Variants in THNSL2 observed in about 807,000 individuals in gnomAD.
THNSL2 encodes threonine synthase-like 2.
A neutral mutation model predicts 40.0 loss-of-function variants in THNSL2; 34 were observed. That is an observed-to-expected ratio of 0.85 (90% CI 0.65 to 1.13). The LOEUF (loss-of-function observed/expected upper bound fraction) is 1.13, where lower values mean the gene tolerates loss of function less well. Among genes scored for constraint, THNSL2 ranks in the 50% most tolerant of loss-of-function variants. The pLI is 0.00. For missense variants in THNSL2, 537 were observed against 608.8 expected (o/e 0.88, Z 1.24); for synonymous variants, 241 against 247.5 (o/e 0.97, Z 0.25).
rs1416953620 is a variant in THNSL2, at chr2:88,179,247, A to G, written c.802+234A>G. On this transcript the variant is annotated intron_variant, in intron 5 of 8. Transcript: ENST00000674334. ...TGATGGCTTAACCCCACATGCTCCC[A>G]CAGCCTGACCTGATGTGCTCGCTGG... Among the ~76,000 whole-genome samples the G allele has an allele frequency of 2.6e-5, 4 of 152,234 alleles. No homozygotes were observed. The East Asian group carries it at 5.8e-4, about 22-fold the overall frequency.
intron 1 of THNSL2, chr2:88,171,549 C>G (rs1676379982): frequency 1.3e-5 from 4 of 305,016 alleles, no homozygotes; most frequent in South Asian, 1.0e-4. Flanking sequence ...GCGTTTAAGT[C>G]TGGTCCTATG....
At position 88,184,198 on chromosome 2, in the gene THNSL2, T is replaced by A. The variant is rs147521152; in HGVS notation, c.1077+1125T>A. Reference sequence around the variant, plus strand: ...TCTTTTGATGCACCCAAAGATCAATTTATTTGGTTAATGGTGTGTTTTGAC... The same window carrying A: ...TCTTTTGATGCACCCAAAGATCAATATATTTGGTTAATGGTGTGTTTTGAC... On this transcript the variant is annotated intron_variant, in intron 7 of 8. Coordinates refer to ENST00000674334, the MANE Select transcript of THNSL2 (RefSeq NM_018271.5). Among the ~76,000 whole-genome samples the A allele has an allele frequency of 5.8e-3, 887 of 152,250 alleles. 2 individuals are homozygous for A. The highest frequency in any genetic ancestry group is 0.01 in the Non-Finnish European group (700 of 68,016).
intron 1 of THNSL2, chr2:88,172,480 G>A (rs1676470993): frequency 6.6e-6 from 1 of 152,242 alleles, no homozygotes; most frequent in Admixed American, 6.5e-5. Flanking sequence ...GGGACTTGCA[G>A]TTTTAAGACC....
In THNSL2 at chr2:88,178,909, C is replaced by T; in HGVS notation, c.698C>T (p.Ala233Val). The change falls in exon 5 of 9, where the codon GCC becomes GTC. Residue 233 changes from alanine (A) to valine (V), a missense_variant. Physicochemically the swap from Ala to Val is moderately conservative, Grantham distance 64. Transcript: ENST00000674334. ...TGGTCCCGGGTCCTGGTGCAGATGGCCCATCACTTCTTTGCTTACTTCCAG... is the reference window on the plus strand; with the variant it reads ...TGGTCCCGGGTCCTGGTGCAGATGGTCCATCACTTCTTTGCTTACTTCCAG... ...INWSRVLVQM[A>V]HHFFAYFQCT... 6.2e-7 allele frequency: 1 copy of T among 1,614,198 alleles called. No individual in the cohort carries two copies. The highest frequency in any genetic ancestry group is 1.1e-5 in the South Asian group (1 of 91,080).
intron 5 of THNSL2, among the ~76,000 whole-genome samples, chr2:88,181,868 G>A (rs1419084605): frequency 6.6e-6 from 1 of 152,092 alleles, no homozygotes; most frequent in Admixed American, 6.6e-5. Context: ...TCTATAAAAG[G>A]AATCATACAG....
chr2:88,173,364 G>T lies in THNSL2; in HGVS notation c.214G>T (p.Glu72Ter). 1 of 1,601,738 alleles carries T rather than the reference G, an allele frequency of 6.2e-7. No individual in the cohort carries two copies. ...FIGSELLPKD[E>*]LNDLIDRAFS... ...TGGCTCTGAGCTCCTTCCAAAAGAT[G>T]AATTAAATGGTGAGTGCTCCCACCT... Residue 72 changes from glutamate to a stop codon, truncating the protein, a stop_gained, in exon 2 of 9, where the codon GAA (glutamate) becomes TAA (stop). Coordinates refer to ENST00000674334, the MANE Select transcript of THNSL2 (RefSeq NM_018271.5). LOFTEE classifies it high-confidence loss of function.
In THNSL2 at chr2:88,173,339, TG is replaced by T. The variant is rs747458725; in HGVS notation, c.191del (p.Gly64AlafsTer10). On this transcript the variant is annotated frameshift_variant, in exon 2 of 9. Transcript: ENST00000674334. LOFTEE classifies it high-confidence loss of function. ...TGAAGGAGCTGTGTGCCCTCTTCAT[TG>T]GCTCTGAGCTCCTTCCAAAAGATGA... ...LVKELCALFI[G>X]SELLPKDELN... 6.8e-5 allele frequency: 109 copies of T among 1,611,042 alleles called. 1 individual carries two copies. The highest frequency in any genetic ancestry group is 8.5e-5 in the Non-Finnish European group (100 of 1,179,192).
intron 1 of THNSL2, among the ~76,000 whole-genome samples, 180 bp downstream of exon 1, chr2:88,170,636 G>T (rs546873418): frequency 1.2e-4 from 18 of 152,214 alleles, no homozygotes; most frequent in African/African-American, 4.3e-4. Flanking sequence ...GGTGGTGCGG[G>T]GGGTTTCTGA....
chr2:88,178,770 T>TC lies in THNSL2; in HGVS notation c.572-7dup, dbSNP rs750832235. ...TGCTCCTGACAGCTGCCCTCTTCTCTCCCCCCTGGCAGTGGAGGGAAACAG... is the reference window on the plus strand; with the variant it reads ...TGCTCCTGACAGCTGCCCTCTTCTCTCCCCCCCTGGCAGTGGAGGGAAACAG... On this transcript the variant is annotated splice_polypyrimidine_tract_variant and intron_variant, in intron 4 of 8. Transcript: ENST00000674334. 5.0e-6 allele frequency: 8 copies of TC among 1,613,352 alleles called. No individual in the cohort carries two copies. Among genetic ancestry groups the TC allele is most frequent in the African/African-American group, 2.7e-5 (2 of 74,692 alleles).
intron 2 of THNSL2, 42 bp from the exon 3 acceptor site, chr2:88,174,597 G>A (rs1309141027): frequency 6.3e-7 from 1 of 1,583,632 alleles, no homozygotes. Context: ...TTGAGAAAGA[G>A]ACCAGGCCCC....
rs1676987895 is a variant in THNSL2, at chr2:88,176,838, C to T, written c.571+1437C>T. The T allele has an allele frequency of 2.0e-5, 3 of 152,228 alleles. No individual in the cohort carries two copies. In the South Asian group the frequency reaches 6.2e-4, roughly 31 times the overall value. The allele number at this position is 152,228 out of a possible 1,614,324, so 9.4% of individuals were successfully genotyped here. Reference sequence around the variant, plus strand: ...CTTGCTAATTGCTCATATTTGGCTGCATTTTCCTGCAGTTGTTGCAAGACT... The same window carrying T: ...CTTGCTAATTGCTCATATTTGGCTGTATTTTCCTGCAGTTGTTGCAAGACT... On this transcript the variant is annotated intron_variant, in intron 4 of 8. Coordinates refer to ENST00000674334, the MANE Select transcript of THNSL2 (RefSeq NM_018271.5).
intron 5 of THNSL2, among the ~76,000 whole-genome samples, chr2:88,179,389 C>T (rs1256813704): frequency 2.6e-5 from 4 of 152,248 alleles, no homozygotes; most frequent in Non-Finnish European, 5.9e-5. Flanking sequence ...AATGTGAGGG[C>T]AAGCGGCTTG....
At position 88,173,362 on chromosome 2, in the gene THNSL2, A is replaced by G. The variant is rs753330743; in HGVS notation, c.212A>G (p.Asp71Gly). ...LFIGSELLPK[D>G]ELNDLIDRAF... ...ATTGGCTCTGAGCTCCTTCCAAAAG[A>G]TGAATTAAATGGTGAGTGCTCCCAC... The change falls in exon 2 of 9, where the codon GAT becomes GGT. Residue 71 changes from aspartate to glycine, a missense_variant. Coordinates refer to ENST00000674334, the MANE Select transcript of THNSL2 (RefSeq NM_018271.5). The G allele has an allele frequency of 3.1e-6, 5 of 1,603,330 alleles. No homozygotes were observed. In the South Asian group the frequency reaches 3.3e-5, roughly 11 times the overall value.
In THNSL2 at chr2:88,186,391, A is replaced by G. The variant is rs950487601; in HGVS notation, c.*268A>G. 8 of 485,784 alleles carry G rather than the reference A, an allele frequency of 1.6e-5. No individual in the cohort carries two copies. Among genetic ancestry groups the G allele is most frequent in the African/African-American group, 9.7e-5 (5 of 51,406 alleles). The allele number at this position is 485,784 out of a possible 1,614,324, so 30.1% of individuals were successfully genotyped here. A position where few individuals can be genotyped will look rare whatever the true frequency, so the allele number is the denominator to read the frequency against. Reference sequence around the variant, plus strand: ...GTGTCTGAGCTGTAGTGAAAGTTTCAGGGCCTGCAAAAGAAGAGGCTTGGG... The same window carrying G: ...GTGTCTGAGCTGTAGTGAAAGTTTCGGGGCCTGCAAAAGAAGAGGCTTGGG... On this transcript the variant is annotated 3_prime_UTR_variant, in exon 9 of 9. Transcript: ENST00000674334.
At position 88,170,422 on chromosome 2, in the gene THNSL2, C is replaced by G. The variant is rs989898027; in HGVS notation, c.-47C>G. The G allele has an allele frequency of 3.7e-5, 2 of 53,812 alleles. No individual in the cohort carries two copies. The highest frequency in any genetic ancestry group is 8.5e-5 in the African/African-American group (2 of 23,586). The allele number at this position is 53,812 out of a possible 1,614,324, so 3.3% of individuals were successfully genotyped here. A position where few individuals can be genotyped will look rare whatever the true frequency, so the allele number is the denominator to read the frequency against. Reference sequence around the variant, plus strand: ...CTGCTGCGCACCGGGCCTCGCGCCCCGCGCCCCGCGCCCCGCGCCCCGCGC... The same window carrying G: ...CTGCTGCGCACCGGGCCTCGCGCCCGGCGCCCCGCGCCCCGCGCCCCGCGC... On this transcript the variant is annotated 5_prime_UTR_variant, in exon 1 of 9. Coordinates refer to ENST00000674334, the MANE Select transcript of THNSL2 (RefSeq NM_018271.5).
At chr2:88,171,659 G>A in intron 1 of THNSL2, 2 of 181,804 alleles carry the variant, frequency 1.1e-5, no homozygotes, top group South Asian at 1.9e-4. Flanking sequence ...GGCACCGCTA[G>A]CACCTGCCCC....
Position 88,186,155 on chromosome 2 carries a change from G to A in THNSL2, c.*32G>A. 6.5e-7 allele frequency: 1 copy of A among 1,547,110 alleles called. No individual in the cohort carries two copies. Among genetic ancestry groups the A allele is most frequent in the Non-Finnish European group, 8.7e-7 (1 of 1,142,888 alleles). On this transcript the variant is annotated 3_prime_UTR_variant, in exon 9 of 9. Coordinates refer to ENST00000674334, the MANE Select transcript of THNSL2 (RefSeq NM_018271.5). ...TGGAGGTGGCTTTCTTTAGGCTTCA[G>A]ATCCCAGGAAGATGCACCTTCTGAG...
At chr2:88,172,118 A>G (rs1011365472) in intron 1 of THNSL2, 2 of 152,296 alleles carry the variant, frequency 1.3e-5, no homozygotes, top group African/African-American at 4.8e-5. Context: ...ACTGAGAGCT[A>G]TGTCTAGTCA....
At chr2:88,173,635 A>AAG (rs1163332462) in intron 2 of THNSL2, among the ~76,000 whole-genome samples, 1 of 151,956 alleles carries the variant, frequency 6.6e-6, no homozygotes, top group East Asian at 1.9e-4. Flanking sequence ...TAAAAAAAAA[A>AAG]AAACAAAAAC....
Sources: allele counts gnomAD v4.1 joint callset (sites outside exome capture counted in the v4.1 genomes callset), GRCh38; gene constraint gnomAD v4.1.1; transcripts MANE v1.5; gene names NCBI Gene and HGNC (gene_info 2026-07-23, HGNC 2026-07-21).